Variants in CHD6 observed in about 807,000 individuals in gnomAD.
The protein encoded by CHD6 is chromodomain helicase DNA binding protein 6, also known as ATP-dependent chromatin remodeler CHD6.
Under a neutral mutation model 276.9 loss-of-function variants are expected in CHD6, and 50 were observed. The observed-to-expected ratio is 0.18, with a 90% CI of 0.14 to 0.23. The LOEUF (loss-of-function observed/expected upper bound fraction) is 0.23, where lower values mean the gene tolerates loss of function less well. CHD6 is among the 10% of genes least tolerant of loss of function. The pLI is 1.00. For synonymous variants in CHD6, 1,173 were observed against 1,229.3 expected (o/e 0.95, Z 0.96); for missense variants, 2,564 against 3,365.8 (o/e 0.76, Z 5.89).
At chr20:41,587,696 C>T (rs967664775) in intron 1 of CHD6, among the ~76,000 whole-genome samples, 18 of 152,144 alleles carry the variant, frequency 1.2e-4, no homozygotes, top group African/African-American at 3.4e-4. Flanking sequence ...ATGACACTAA[C>T]GTGTACAAAG....
chr20:41,565,501 C>T (rs2045345886), intron 1 of CHD6, among the ~76,000 whole-genome samples: 1 of 152,196 alleles, frequency 6.6e-6, no homozygotes, highest in Non-Finnish European at 1.5e-5. Context: ...AGTTCTATTA[C>T]AGACAGGCTA....
chr20:41,459,677 C>A (rs1348702570), intron 17 of CHD6, among the ~76,000 whole-genome samples: 1 of 152,232 alleles, frequency 6.6e-6, no homozygotes, highest in Admixed American at 6.5e-5. Context: ...TAAGAACAGC[C>A]TTTCGCCTCT....
intron 1 of CHD6, among the ~76,000 whole-genome samples, chr20:41,581,980 T>C (rs1339302841): frequency 6.6e-6 from 1 of 152,186 alleles, no homozygotes; most frequent in East Asian, 1.9e-4. Flanking sequence ...AATTCATCCA[T>C]GGCCAGCCCT....
chr20:41,553,702 C>G (rs765866554), intron 1 of CHD6, among the ~76,000 whole-genome samples: 1 of 152,228 alleles, frequency 6.6e-6, no homozygotes, highest in Non-Finnish European at 1.5e-5. Flanking sequence ...TCTGCGATTG[C>G]GTACCCTTTC....
intron 1 of CHD6, among the ~76,000 whole-genome samples, chr20:41,584,151 A>G (rs1205696181): frequency 6.6e-6 from 1 of 152,156 alleles, no homozygotes; most frequent in Admixed American, 6.5e-5. Context: ...AAAATGATGG[A>G]AAAAGATACC....
chr20:41,546,696 C>A (rs2045049699), intron 2 of CHD6, among the ~76,000 whole-genome samples: 1 of 152,182 alleles, frequency 6.6e-6, no homozygotes, highest in Admixed American at 6.5e-5. Flanking sequence ...TTAGAGTTCA[C>A]ATTTTATTTT....
intron 1 of CHD6, among the ~76,000 whole-genome samples, chr20:41,605,509 T>C (rs1054003968): frequency 6.6e-6 from 1 of 152,228 alleles, no homozygotes; most frequent in African/African-American, 2.4e-5. Flanking sequence ...AGTTATTATA[T>C]AAATTAACAC....
At chr20:41,555,130 CGA>C (rs2045206573) in intron 1 of CHD6, among the ~76,000 whole-genome samples, 2 of 135,110 alleles carry the variant, frequency 1.5e-5, no homozygotes, top group Non-Finnish European at 3.2e-5. Context: ...CCTCCCTCCC[CGA>C]CGGGGCGGCT....
intron 17 of CHD6, among the ~76,000 whole-genome samples, chr20:41,471,699 A>G (rs2043057250): frequency 6.6e-6 from 1 of 150,610 alleles, no homozygotes; most frequent in Admixed American, 6.6e-5. Context: ...CGCCTGGCTA[A>G]TTTTTTTTTG....
At chr20:41,605,195 A>G (rs902770551) in intron 1 of CHD6, among the ~76,000 whole-genome samples, 10 of 152,340 alleles carry the variant, frequency 6.6e-5, no homozygotes, top group Non-Finnish European at 1.5e-4. Flanking sequence ...CAAAATGTTA[A>G]TAACAGGTGG....
Position 41,403,211 on chromosome 20 carries a change from A to C in CHD6, c.*1382T>G. On this transcript the variant is annotated 3_prime_UTR_variant, in exon 37 of 37. Coordinates refer to ENST00000373233, the MANE Select transcript of CHD6 (RefSeq NM_032221.5). Reference sequence around the variant, plus strand: ...GTAAATTGTGACAACAAAAAGTGAAACTGGTACTAGTAACACTTGCAACAT... The same window carrying C: ...GTAAATTGTGACAACAAAAAGTGAACCTGGTACTAGTAACACTTGCAACAT... 1 of 1,001,778 alleles carries C rather than the reference A, an allele frequency of 1.0e-6. No homozygotes were observed. The highest frequency in any genetic ancestry group is 1.7e-5 in the African/African-American group (1 of 59,730). The allele number at this position is 1,001,778 out of a possible 1,614,324, so 62.1% of individuals were successfully genotyped here.
chr20:41,534,820 A>G (rs2044789601), intron 2 of CHD6, among the ~76,000 whole-genome samples: 2 of 152,218 alleles, frequency 1.3e-5, no homozygotes, highest in Admixed American at 1.3e-4. Flanking sequence ...AAAATGGTTA[A>G]GGTGGTAAAT....
chr20:41,439,957 G>C (rs1298069363), intron 26 of CHD6, 43 bp downstream of exon 26: 2 of 1,606,984 alleles, frequency 1.2e-6, no homozygotes, highest in Non-Finnish European at 1.7e-6. Context: ...ACAGATCAGT[G>C]GCATGGCATG....
chr20:41,545,167 G>A (rs2045016479), intron 2 of CHD6, among the ~76,000 whole-genome samples: 2 of 152,092 alleles, frequency 1.3e-5, no homozygotes, highest in African/African-American at 4.8e-5. Context: ...TCCAGCAATA[G>A]ACACATTTAA....
Position 41,423,710 on chromosome 20 carries a change from T to C in CHD6, c.4347-10A>G, listed in dbSNP as rs778385715. On this transcript the variant is annotated splice_polypyrimidine_tract_variant and intron_variant, in intron 29 of 36. Coordinates refer to ENST00000373233, the MANE Select transcript of CHD6 (RefSeq NM_032221.5). ...TTCTCTCCTAGTCCACCTTGAGATT[T>C]AATCAGAAAGGAAGAGTGAGCTCTT... is the stretch of plus-strand genomic sequence containing the variant. The C allele has an allele frequency of 4.3e-6, 7 of 1,609,244 alleles. No individual in the cohort carries two copies. In the East Asian group the frequency reaches 1.6e-4, roughly 36 times the overall value.
intron 27 of CHD6, among the ~76,000 whole-genome samples, chr20:41,432,017 G>A (rs939111581): frequency 1.3e-5 from 2 of 151,848 alleles, no homozygotes; most frequent in Admixed American, 1.3e-4. Flanking sequence ...AATATTAGCT[G>A]GGCATGGTGG....
At chr20:41,462,748 G>C (rs1413838808) in intron 17 of CHD6, among the ~76,000 whole-genome samples, 1 of 152,150 alleles carries the variant, frequency 6.6e-6, no homozygotes, top group Non-Finnish European at 1.5e-5. Context: ...GTTTACGTAT[G>C]CATTTGTGTC....
chr20:41,417,125 A>G, intron 32 of CHD6, 73 bp downstream of exon 32: 1 of 1,368,736 alleles, frequency 7.3e-7, no homozygotes, highest in Non-Finnish European at 1.0e-6. Context: ...ACTATTTCTA[A>G]AAGGGTTAAA....
chr20:41,612,937 A>G (rs1365089897), intron 1 of CHD6, among the ~76,000 whole-genome samples: 1 of 152,150 alleles, frequency 6.6e-6, no homozygotes, highest in Non-Finnish European at 1.5e-5. Context: ...AATAACTTTA[A>G]GTTTGACCAC....
Sources: allele counts gnomAD v4.1 joint callset (sites outside exome capture counted in the v4.1 genomes callset), GRCh38; gene constraint gnomAD v4.1.1; transcripts MANE v1.5; gene names NCBI Gene and HGNC (gene_info 2026-07-23, HGNC 2026-07-21).